The following TRMT11 variants were observed in gnomAD, a reference collection of about 807,000 sequenced individuals.
The protein encoded by TRMT11 is tRNA (guanine(10)-N(2))-methyltransferase TRMT11.
In TRMT11, 53 loss-of-function variants were observed where a neutral mutation model predicts 62.8. The ratio of observed to expected loss-of-function variants is 0.84; its 90% CI spans 0.68 to 1.06. TRMT11 has a LOEUF of 1.06. Ranked by LOEUF, TRMT11 falls within the 50% of genes least tolerant of loss-of-function variation. The pLI is 0.00. For synonymous variants in TRMT11, 188 were observed against 190.3 expected, an observed-to-expected ratio of 0.99 and a Z score of 0.10; for missense variants, 556 against 553.4, an observed-to-expected ratio of 1.00 and a Z score of -0.05.
chr6:126,122,097 G>A (rs564745828), intron 21 of TRMT11, among the ~76,000 whole-genome samples: 110 of 152,146 alleles, frequency 7.2e-4, no homozygotes, highest in African/African-American at 2.2e-3. Flanking sequence ...ATAAAGGGGC[G>A]TTCCCCTGCA....
chr6:126,088,411 G>A (rs1208368952), intron 17 of TRMT11, among the ~76,000 whole-genome samples: 1 of 152,156 alleles, frequency 6.6e-6, no homozygotes, highest in African/African-American at 2.4e-5. Context: ...AGATGGTAAG[G>A]CCGCTACTTA....
intron 3 of TRMT11, among the ~76,000 whole-genome samples, chr6:125,996,615 G>A (rs1291124897): frequency 6.6e-6 from 1 of 151,186 alleles, no homozygotes; most frequent in African/African-American, 2.4e-5. Flanking sequence ...TCTTTATACT[G>A]TTGGAAAATT....
chr6:126,261,993 G>C, the TRMT11 span, among the ~76,000 whole-genome samples: 3 of 152,348 alleles, frequency 2.0e-5, no homozygotes, highest in South Asian at 6.2e-4. Flanking sequence ...GCATGGGTTT[G>C]TGTGAGTACA....
intron 17 of TRMT11, among the ~76,000 whole-genome samples, chr6:126,093,631 A>ATAT (rs1554236842): frequency 1.0e-5 from 1 of 98,016 alleles, no homozygotes; most frequent in African/African-American, 4.4e-5. Flanking sequence ...ATATATATAT[A>ATAT]TTTTCCCCCA....
intron 10 of TRMT11, 47 bp from the exon 11 acceptor site, chr6:126,012,923 C>A: frequency 6.2e-7 from 1 of 1,609,514 alleles, no homozygotes. Flanking sequence ...TAACTTAGCA[C>A]TCTTAAAATT....
intron 21 of TRMT11, among the ~76,000 whole-genome samples, chr6:126,163,520 T>C (rs1778221914): frequency 6.6e-6 from 1 of 152,188 alleles, no homozygotes; most frequent in African/African-American, 2.4e-5. Flanking sequence ...TTTTCTCTTT[T>C]TGTTGTGTCT....
At chr6:126,048,180 T>A (rs977048965) in intron 16 of TRMT11, among the ~76,000 whole-genome samples, 6 of 152,226 alleles carry the variant, frequency 3.9e-5, no homozygotes, top group Admixed American at 1.3e-4. Context: ...TCAAAATGCC[T>A]GTTGCTTCTT....
chr6:126,030,669 T>G (rs1774033254), intron 12 of TRMT11, among the ~76,000 whole-genome samples: 1 of 152,204 alleles, frequency 6.6e-6, no homozygotes, highest in South Asian at 2.1e-4. Context: ...ACTTTGAGAC[T>G]ATAAATGACT....
At chr6:126,016,555 A>G (rs977772665) in intron 11 of TRMT11, among the ~76,000 whole-genome samples, 2 of 152,156 alleles carry the variant, frequency 1.3e-5, no homozygotes, top group Non-Finnish European at 1.5e-5. Context: ...TTTAAACTGA[A>G]TGTATTTCTA....
chr6:126,160,264 A>C (rs981230839), intron 21 of TRMT11, among the ~76,000 whole-genome samples: 1 of 152,192 alleles, frequency 6.6e-6, no homozygotes, highest in African/African-American at 2.4e-5. Context: ...ATATGCTCTT[A>C]GGGAGACTTA....
In TRMT11 at chr6:126,110,692, G is replaced by A. The variant is rs140542795; in HGVS notation, c.*1438-2174G>A. 4.7e-4 allele frequency among the ~76,000 whole-genome samples: 72 copies of A among 152,236 alleles called. 1 individual carries two copies. In the East Asian group the frequency reaches 9.1e-3, roughly 19 times the overall value. ...AACATGTGCGTGTGTGTGTGTGCAT[G>A]TGCGTGCACACACACGTGCATACAA... is the stretch of plus-strand genomic sequence containing the variant. On this transcript the variant is annotated intron_variant and NMD_transcript_variant, in intron 17 of 22. Coordinates refer to the TRMT11 transcript ENST00000648977.
At chr6:126,011,519 G>T in intron 9 of TRMT11, 102 bp downstream of exon 9, 1 of 974,668 alleles carries the variant, frequency 1.0e-6, no homozygotes, top group South Asian at 1.6e-5. Context: ...ATGCCAACTT[G>T]TCAGTATTTC....
chr6:126,193,352 T>A (rs989612138), intron 1 of TRMT11, among the ~76,000 whole-genome samples: 4 of 151,930 alleles, frequency 2.6e-5, no homozygotes, highest in East Asian at 1.9e-4. Context: ...TTTGTTTATA[T>A]TTTTTAAGTG....
In TRMT11 at chr6:126,093,585, GTATATATATATATATA is replaced by G. The variant is rs56176946; in HGVS notation, c.*1438-19249_*1438-19234del. ...CTAGTGTAGGTAACAGGATATGTAT[GTATATATATATATATA>G]TATATATATATATATATATATATAT... On this transcript the variant is annotated intron_variant and NMD_transcript_variant, in intron 17 of 22. Coordinates refer to the TRMT11 transcript ENST00000648977. 7.0e-3 allele frequency among the ~76,000 whole-genome samples: 326 copies of G among 46,688 alleles called. 9 individuals carry two copies. The highest frequency in any genetic ancestry group is 9.8e-3 in the Non-Finnish European group (261 of 26,606). The allele number at this position is 46,688 out of a possible 152,430, so 30.6% of individuals were successfully genotyped here.
At chr6:125,986,917 G>T in intron 1 of TRMT11, 1 of 422,770 alleles carries the variant, frequency 2.4e-6, no homozygotes, top group Non-Finnish European at 4.2e-6. Context: ...GGAGCTCTTC[G>T]TCTAGCGGAG....
intron 11 of TRMT11, among the ~76,000 whole-genome samples, chr6:126,014,334 T>A (rs182736915): frequency 6.6e-6 from 1 of 151,896 alleles, no homozygotes; most frequent in East Asian, 1.9e-4. Context: ...CACTGAAACC[T>A]CCACCTCCTG....
At chr6:126,217,014 G>T in the TRMT11 span, among the ~76,000 whole-genome samples, 1 of 152,174 alleles carries the variant, frequency 6.6e-6, no homozygotes, top group Non-Finnish European at 1.5e-5. Context: ...AATCAATCCT[G>T]CTGTTAAGAG....
intron 17 of TRMT11, among the ~76,000 whole-genome samples, chr6:126,061,495 T>C (rs1326271129): frequency 6.6e-6 from 1 of 152,164 alleles, no homozygotes. Flanking sequence ...GCTTCCTTAC[T>C]TTCTACTTGC....
chr6:126,137,913 A>G (rs1777870613), intron 21 of TRMT11, among the ~76,000 whole-genome samples: 1 of 151,868 alleles, frequency 6.6e-6, no homozygotes, highest in Non-Finnish European at 1.5e-5. Flanking sequence ...AGGGGCAAAT[A>G]AAAGTAGATC....
Sources: allele counts gnomAD v4.1 joint callset (sites outside exome capture counted in the v4.1 genomes callset), GRCh38; gene constraint gnomAD v4.1.1; transcripts MANE v1.5; gene names NCBI Gene and HGNC (gene_info 2026-07-23, HGNC 2026-07-21).